Variants in WRNIP1 observed in about 807,000 individuals in gnomAD.
WRNIP1 encodes ATPase WRNIP1.
In WRNIP1, 41 loss-of-function variants were observed where a neutral mutation model predicts 56.1. That is an observed-to-expected ratio of 0.73 (90% CI 0.57 to 0.95). The LOEUF is 0.95. WRNIP1 is among the 40% of genes least tolerant of loss of function. WRNIP1 has a pLI of 0.00. For synonymous variants in WRNIP1, 547 were observed against 398.1 expected, an observed-to-expected ratio of 1.37 and a Z score of -4.45; for missense variants, 1,170 against 939.4, an observed-to-expected ratio of 1.25 and a Z score of -3.21.
At chr6:2,784,028 T>C (rs1358367815) in intron 5 of WRNIP1, among the ~76,000 whole-genome samples, 1 of 152,204 alleles carries the variant, frequency 6.6e-6, no homozygotes, top group Admixed American at 6.5e-5. Flanking sequence ...TCCATCCTGG[T>C]GAATGTCTCC....
intron 3 of WRNIP1, among the ~76,000 whole-genome samples, chr6:2,777,268 A>G (rs1765454643): frequency 6.6e-6 from 1 of 152,228 alleles, no homozygotes; most frequent in Non-Finnish European, 1.5e-5. Context: ...GATGCCTATC[A>G]TCTACCAGGT....
intron 4 of WRNIP1, 46 bp from the exon 5 acceptor site, chr6:2,783,360 G>C: frequency 6.7e-7 from 1 of 1,487,396 alleles, no homozygotes; most frequent in Non-Finnish European, 9.0e-7. Context: ...TGGCTTGGGC[G>C]CCCCTCCTGT....
rs987982890 is a variant in WRNIP1 at position 2,765,858 on chromosome 6, C to G, written c.236C>G (p.Ala79Gly). ...AKRRRLSESS[A>G]LKQPATPTAA... The stretch of plus-strand genomic sequence containing the variant: ...AGGCGGCGGCTGTCGGAGAGCTCGG[C>G]GCTGAAGCAGCCAGCCACCCCGACG... Residue 79 changes from alanine (A) to glycine (G), a missense_variant, in exon 1 of 7, where the codon GCG becomes GGG. Transcript: ENST00000380773. 5 of 1,439,384 alleles carry G rather than the reference C, an allele frequency of 3.5e-6. No individual in the cohort carries two copies. Among genetic ancestry groups the G allele is most frequent in the Middle Eastern group, 2.5e-4 (1 of 4,076 alleles). The allele number at this position is 1,439,384 out of a possible 1,614,324, so 89.2% of individuals were successfully genotyped here. A position where few individuals can be genotyped will look rare whatever the true frequency, so the allele number is the denominator to read the frequency against.
chr6:2,774,689 C>T (rs1446931166), intron 3 of WRNIP1, among the ~76,000 whole-genome samples: 1 of 152,214 alleles, frequency 6.6e-6, no homozygotes, highest in Non-Finnish European at 1.5e-5. Context: ...CAGACCCCTA[C>T]CAAGTATAAT....
In WRNIP1 at chr6:2,766,158, A is replaced by ACGCGGACGGCGAGGACGACCC. The variant is rs1764964982; in HGVS notation, c.537_557dup (p.Ala180_Pro186dup). ...GACGGCGATGGCGACGGGGACGCGG[A>ACGCGGACGGCGAGGACGACCC]CGCGGACGGCGAGGACGACCCGGGG... On this transcript the variant is annotated inframe_insertion, in exon 1 of 7. Transcript: ENST00000380773. The ACGCGGACGGCGAGGACGACCC allele has an allele frequency of 7.5e-7, 1 of 1,332,022 alleles. No homozygotes were observed. Among genetic ancestry groups the ACGCGGACGGCGAGGACGACCC allele is most frequent in the South Asian group, 2.1e-5 (1 of 47,218 alleles). The allele number at this position is 1,332,022 out of a possible 1,614,324, so 82.5% of individuals were successfully genotyped here. A position where few individuals can be genotyped will look rare whatever the true frequency, so the allele number is the denominator to read the frequency against.
At chr6:2,768,379 A>G (rs1765121133) in intron 1 of WRNIP1, among the ~76,000 whole-genome samples, 1 of 152,196 alleles carries the variant, frequency 6.6e-6, no homozygotes, top group African/African-American at 2.4e-5. Flanking sequence ...AAATCAAGAC[A>G]GCCGTTCTTT....
In WRNIP1 at chr6:2,785,082, G is replaced by A. The variant is rs375256056; in HGVS notation, c.1798G>A (p.Val600Ile). The A allele has an allele frequency of 3.1e-5, 50 of 1,614,026 alleles. No homozygotes were observed. The highest frequency in any genetic ancestry group is 1.6e-4 in the Middle Eastern group (1 of 6,084). ...SIEVYSAYNN[V>I]KACLRNHQGP... ...TGAGGTGTACAGCGCCTACAACAAC[G>A]TCAAAGCCTGCCTGAGGAACCACCA... is the stretch of plus-strand genomic sequence containing the variant. Residue 600 changes from valine (V) to isoleucine (I), a missense_variant, in exon 7 of 7, where the codon GTC becomes ATC. Transcript: ENST00000380773.
chr6:2,766,022 C>G lies in WRNIP1; in HGVS notation c.400C>G (p.Pro134Ala). Residue 134 changes from proline to alanine, a missense_variant, in exon 1 of 7, where the codon CCC (proline) becomes GCC (alanine). Physicochemically the swap from Pro to Ala is conservative, Grantham distance 27 (BLOSUM62 -1). Transcript: ENST00000380773. ...CTTCCCGGTGGCCCGCTCCAGCAGCCCCGGGAGGAAGGGGTCGGGGAAGAG... is the reference window on the plus strand; with the variant it reads ...CTTCCCGGTGGCCCGCTCCAGCAGCGCCGGGAGGAAGGGGTCGGGGAAGAG... ...PDFPVARSSS[P>A]GRKGSGKRPA... 1 of 1,325,540 alleles carries G rather than the reference C, an allele frequency of 7.5e-7. No individual in the cohort carries two copies. The highest frequency in any genetic ancestry group is 3.1e-5 in the East Asian group (1 of 32,164). 82.1% of individuals were successfully genotyped at this position (1,325,540 alleles called of 1,614,324 possible).
chr6:2,771,899 CGTAAT>C (rs1463074848), intron 3 of WRNIP1, among the ~76,000 whole-genome samples: 1 of 152,126 alleles, frequency 6.6e-6, no homozygotes, highest in Non-Finnish European at 1.5e-5. Context: ...TACTGGTTAT[CGTAAT>C]GTATCTGCAA....
At chr6:2,769,999 C>A in intron 2 of WRNIP1, 121 bp from the exon 3 acceptor site, 1 of 1,399,196 alleles carries the variant, frequency 7.1e-7, no homozygotes, top group Non-Finnish European at 9.8e-7. Context: ...AAGGCTGCTG[C>A]TATTCCTGAA....
At position 2,765,933 on chromosome 6, in the gene WRNIP1, A is replaced by C. The variant is rs1167345652; in HGVS notation, c.311A>C (p.Glu104Ala). 7 of 1,450,080 alleles carry C rather than the reference A, an allele frequency of 4.8e-6. No individual in the cohort carries two copies. The highest frequency in any genetic ancestry group is 5.4e-6 in the Non-Finnish European group (6 of 1,102,496). 89.8% of individuals were successfully genotyped at this position (1,450,080 alleles called of 1,614,324 possible). A position where few individuals can be genotyped will look rare whatever the true frequency, so the allele number is the denominator to read the frequency against. Residue 104 changes from glutamate to alanine, a missense_variant, in exon 1 of 7, where the codon GAG becomes GCG. Glu to Ala is a moderately radical substitution (Grantham distance 107, BLOSUM62 -1). Coordinates refer to ENST00000380773, the MANE Select transcript of WRNIP1 (RefSeq NM_020135.3). ...GGTGAGGAGGGCGACGACGGCGGCG[A>C]GACCGAGAGCCGCGAGAGCTACGAC... Reference protein sequence around the residue: ...GEGEEGDDGGETESRESYDAP... With the variant: ...GEGEEGDDGGATESRESYDAP...
rs1235871377 is a variant in WRNIP1 at position 2,765,712 on chromosome 6, G to A, written c.90G>A (p.Ala30=). The A allele has an allele frequency of 3.9e-6, 6 of 1,544,986 alleles. No homozygotes were observed. Among genetic ancestry groups the A allele is most frequent in the Non-Finnish European group, 5.2e-6 (6 of 1,154,076 alleles). ...CPVCQQMMPA[A]HINSHLDRCL... ...TGTGCCAGCAGATGATGCCCGCCGCGCACATCAACTCGCACCTGGACCGCT... is the reference window on the plus strand; with the variant it reads ...TGTGCCAGCAGATGATGCCCGCCGCACACATCAACTCGCACCTGGACCGCT... Residue 30 remains alanine (A), a synonymous_variant, in exon 1 of 7, where the codon GCG becomes GCA. Transcript: ENST00000380773.
In WRNIP1 at chr6:2,765,826, C is replaced by A. The variant is rs969387387; in HGVS notation, c.204C>A (p.Gly68=). 10 of 1,361,336 alleles carry A rather than the reference C, an allele frequency of 7.3e-6. No homozygotes were observed. In the African/African-American group the frequency reaches 1.2e-4, roughly 17 times the overall value. The allele number at this position is 1,361,336 out of a possible 1,614,324, so 84.3% of individuals were successfully genotyped here. A position where few individuals can be genotyped will look rare whatever the true frequency, so the allele number is the denominator to read the frequency against. The part of the protein sequence containing the change: ...GERAKGPSPP[G]AKRRRLSESS... ...GGGCCAAGGGGCCCTCGCCGCCCGG[C>A]GCCAAGAGGCGGCGGCTGTCGGAGA... The change falls in exon 1 of 7, where the codon GGC becomes GGA. Residue 68 remains glycine (G), a synonymous_variant. Coordinates refer to ENST00000380773, the MANE Select transcript of WRNIP1 (RefSeq NM_020135.3).
intron 4 of WRNIP1, 126 bp downstream of exon 4, chr6:2,779,618 C>T (rs59496752): frequency 2.0e-6 from 2 of 994,074 alleles, no homozygotes; most frequent in African/African-American, 1.6e-5. Context: ...TCCAGTGATT[C>T]TCAGGTGGAT....
chr6:2,766,574 G>A, intron 1 of WRNIP1, 130 bp downstream of exon 1: 1 of 1,384,402 alleles, frequency 7.2e-7, no homozygotes, highest in East Asian at 2.7e-5. Context: ...GTGCAGACTT[G>A]GGCTGGGCTG....
intron 3 of WRNIP1, chr6:2,772,860 A>T (rs1581136289): frequency 1.0e-5 from 7 of 686,892 alleles, no homozygotes; most frequent in Non-Finnish European, 1.3e-5. Flanking sequence ...ATCCTTGTGC[A>T]TATAAATCAG....
In WRNIP1 at chr6:2,770,286, A is replaced by C. The variant is rs773485561; in HGVS notation, c.1181A>C (p.Asn394Thr). The C allele has an allele frequency of 1.1e-5, 18 of 1,613,338 alleles. No homozygotes were observed. Among genetic ancestry groups the C allele is most frequent in the Middle Eastern group, 1.6e-4 (1 of 6,084 alleles). ...GTGACTATTTTAATGCGAGCGATCA[A>C]CTCCCTGGGAATCCACGTCCTAGAC... ...AMVTILMRAI[N>T]SLGIHVLDSS... is the part of the protein sequence containing the mutation. The change falls in exon 3 of 7, where the codon AAC (asparagine) becomes ACC (threonine). Residue 394 changes from asparagine to threonine, a missense_variant. Transcript: ENST00000380773.
In WRNIP1 at chr6:2,784,164, C is replaced by G. The variant is rs562390791; in HGVS notation, c.1643-160C>G. ...ACTCTCAATATTTCTTGCATAAGTT[C>G]ATGGGATCAGAGACTAGAGCTAAGT... On this transcript the variant is annotated intron_variant, in intron 5 of 6. Coordinates refer to ENST00000380773, the MANE Select transcript of WRNIP1 (RefSeq NM_020135.3). Among the ~76,000 whole-genome samples the G allele has an allele frequency of 2.6e-5, 4 of 152,280 alleles. No individual in the cohort carries two copies. The South Asian group carries it at 8.3e-4, about 32-fold the overall frequency.
Position 2,766,311 on chromosome 6 carries a change from C to G in WRNIP1, c.689C>G (p.Thr230Arg). The G allele has an allele frequency of 6.2e-7, 1 of 1,609,926 alleles. No homozygotes were observed. The highest frequency in any genetic ancestry group is 8.5e-7 in the Non-Finnish European group (1 of 1,178,754). ...QMLQGKPLAD[T>R]MRPDTLQDYF... is the part of the protein sequence containing the mutation. Reference sequence around the variant, plus strand: ...CTACAGGGCAAGCCGCTGGCCGACACGATGCGTCCTGACACGCTGCAGGAT... The same window carrying G: ...CTACAGGGCAAGCCGCTGGCCGACAGGATGCGTCCTGACACGCTGCAGGAT... Residue 230 changes from threonine (T) to arginine (R), a missense_variant, in exon 1 of 7, where the codon ACG (threonine) becomes AGG (arginine). By Grantham distance (71) the Thr-to-Arg change is moderately conservative. Coordinates refer to ENST00000380773, the MANE Select transcript of WRNIP1 (RefSeq NM_020135.3).
Sources: allele counts gnomAD v4.1 joint callset (sites outside exome capture counted in the v4.1 genomes callset), GRCh38; gene constraint gnomAD v4.1.1; transcripts MANE v1.5; gene names NCBI Gene and HGNC (gene_info 2026-07-23, HGNC 2026-07-21).